ANO2: variants seen among roughly 807,000 people sequenced by gnomAD.
ANO2 encodes the protein anoctamin-2.
A neutral mutation model predicts 124.2 loss-of-function variants in ANO2; 101 were observed. The observed-to-expected ratio is 0.81, with a 90% CI of 0.69 to 0.96. ANO2 has a LOEUF of 0.96. Ranked by LOEUF, ANO2 falls within the 40% of genes least tolerant of loss-of-function variation. The pLI, the probability that ANO2 is intolerant of heterozygous loss-of-function variation, is 0.00. For synonymous variants in ANO2, 486 were observed against 482.5 expected, an observed-to-expected ratio of 1.01 and a Z score of -0.09; for missense variants, 1,293 against 1,274.5, an observed-to-expected ratio of 1.01 and a Z score of -0.22.
chr12:5,889,376 C>T (rs1480081403), intron 3 of ANO2, among the ~76,000 whole-genome samples: 2 of 152,268 alleles, frequency 1.3e-5, no homozygotes, highest in African/African-American at 4.8e-5. Flanking sequence ...CAAGGACTGC[C>T]AGCACGCTGT....
At chr12:5,927,865 T>C (rs1942157120) in intron 1 of ANO2, among the ~76,000 whole-genome samples, 1 of 152,166 alleles carries the variant, frequency 6.6e-6, no homozygotes, top group Non-Finnish European at 1.5e-5. Context: ...GGCAGGAACC[T>C]TCAAGGTCAC....
intron 10 of ANO2, among the ~76,000 whole-genome samples, chr12:5,765,036 C>T (rs1431812962): frequency 2.0e-5 from 3 of 152,152 alleles, no homozygotes; most frequent in Non-Finnish European, 4.4e-5. Flanking sequence ...CATAAAAATG[C>T]TATCAGCCAG....
intron 10 of ANO2, among the ~76,000 whole-genome samples, chr12:5,767,709 G>C (rs915047267): frequency 6.6e-6 from 1 of 152,238 alleles, no homozygotes; most frequent in Non-Finnish European, 1.5e-5. Context: ...TTCAAGACTC[G>C]AGCTACTTGT....
chr12:5,851,010 T>TC (rs1302259703), intron 4 of ANO2, among the ~76,000 whole-genome samples: 5 of 150,690 alleles, frequency 3.3e-5, no homozygotes, highest in African/African-American at 7.4e-5. Context: ...TGGGATGACG[T>TC]CCCCAAACCA....
intron 1 of ANO2, among the ~76,000 whole-genome samples, chr12:5,930,871 T>G (rs911809663): frequency 6.6e-6 from 1 of 152,098 alleles, no homozygotes; most frequent in African/African-American, 2.4e-5. Flanking sequence ...CACACACACA[T>G]AAAATCCATT....
chr12:5,890,402 T>A (rs1345663424), intron 3 of ANO2, among the ~76,000 whole-genome samples: 1 of 152,230 alleles, frequency 6.6e-6, no homozygotes, highest in Non-Finnish European at 1.5e-5. Flanking sequence ...CATGTCAGAA[T>A]ATGTCAAGAG....
intron 16 of ANO2, among the ~76,000 whole-genome samples, chr12:5,632,565 T>A (rs960376579): frequency 6.6e-6 from 1 of 152,066 alleles, no homozygotes; most frequent in Admixed American, 6.6e-5. Flanking sequence ...CAGCCCAGGG[T>A]AGCCGCTTTG....
intron 4 of ANO2, 47 bp from the exon 5 acceptor site, chr12:5,832,650 A>G: frequency 1.3e-6 from 2 of 1,560,238 alleles, no homozygotes; most frequent in Non-Finnish European, 1.7e-6. Context: ...CACTTCCAGC[A>G]GAGAGGAATG....
intron 14 of ANO2, among the ~76,000 whole-genome samples, chr12:5,668,880 T>C (rs1947860680): frequency 6.6e-6 from 1 of 152,154 alleles, no homozygotes; most frequent in Admixed American, 6.5e-5. Context: ...ATTTCTGAGT[T>C]CTCTATCCTG....
rs568784954 is a variant in ANO2 at position 5,889,834 on chromosome 12, G to A, written c.534+31206C>T. 2.0e-5 allele frequency among the ~76,000 whole-genome samples: 3 copies of A among 152,336 alleles called. 1 individual carries two copies. In the South Asian group the frequency reaches 6.2e-4, roughly 32 times the overall value. On this transcript the variant is annotated intron_variant, in intron 3 of 24. Coordinates refer to ENST00000682330, the MANE Select transcript of ANO2 (RefSeq NM_001364791.2). ...TACTGATCATAGAGCTTCGCTCAAT[G>A]AAGCACCCCGTCCAAGACCCTTTAC...
At chr12:5,850,331 G>A (rs1361504942) in intron 4 of ANO2, among the ~76,000 whole-genome samples, 8 of 150,072 alleles carry the variant, frequency 5.3e-5, no homozygotes, top group African/African-American at 1.7e-4. Context: ...CAAGAGAATT[G>A]CTTCAGCCCA....
At chr12:5,722,724 G>A (rs1004683164) in intron 14 of ANO2, among the ~76,000 whole-genome samples, 4 of 151,784 alleles carry the variant, frequency 2.6e-5, no homozygotes, top group Non-Finnish European at 5.9e-5. Flanking sequence ...ACTTTCGTAT[G>A]TGTGTGTGTG....
intron 14 of ANO2, among the ~76,000 whole-genome samples, chr12:5,727,974 T>C (rs1223896017): frequency 2.0e-5 from 3 of 152,016 alleles, no homozygotes; most frequent in African/African-American, 7.2e-5. Flanking sequence ...GCCCAGCTAA[T>C]TTTTTGTATT....
At chr12:5,816,138 TTCTC>T (rs1224823657) in intron 7 of ANO2, among the ~76,000 whole-genome samples, 1 of 144,776 alleles carries the variant, frequency 6.9e-6, no homozygotes, top group Non-Finnish European at 1.5e-5. Flanking sequence ...TGTTCTCCCT[TTCTC>T]TCTCTCTCTT....
At chr12:5,901,164 G>T (rs932413330) in intron 3 of ANO2, among the ~76,000 whole-genome samples, 1 of 152,218 alleles carries the variant, frequency 6.6e-6, no homozygotes, top group Non-Finnish European at 1.5e-5. Context: ...ACAATGAGCA[G>T]ATTCAACCTG....
intron 7 of ANO2, among the ~76,000 whole-genome samples, chr12:5,823,785 G>T (rs1417127320): frequency 1.3e-5 from 2 of 152,226 alleles, no homozygotes; most frequent in Non-Finnish European, 2.9e-5. Flanking sequence ...CCTAGCAGAG[G>T]TTCTCCATGA....
chr12:5,930,807 C>T (rs1394909729), intron 1 of ANO2, among the ~76,000 whole-genome samples: 7 of 152,180 alleles, frequency 4.6e-5, no homozygotes, highest in African/African-American at 1.2e-4. Context: ...GCACTTCCCT[C>T]AGTCTCTATA....
Position 5,854,284 on chromosome 12 carries a change from C to T in ANO2, c.535-143G>A. 1.5e-5 allele frequency: 10 copies of T among 657,324 alleles called. No individual in the cohort carries two copies. In the South Asian group the frequency reaches 1.8e-4, roughly 12 times the overall value. The allele number at this position is 657,324 out of a possible 1,614,324, so 40.7% of individuals were successfully genotyped here. A position where few individuals can be genotyped will look rare whatever the true frequency, so the allele number is the denominator to read the frequency against. On this transcript the variant is annotated intron_variant, in intron 3 of 24. Transcript: ENST00000682330. Reference sequence around the variant, plus strand: ...CGTTCTCTTTAAAATTCACCAGGGACCAGTCCCTTCCCACCTGTACCCAGT... The same window carrying T: ...CGTTCTCTTTAAAATTCACCAGGGATCAGTCCCTTCCCACCTGTACCCAGT...
At chr12:5,804,737 C>A (rs936531030) in intron 9 of ANO2, among the ~76,000 whole-genome samples, 2 of 152,168 alleles carry the variant, frequency 1.3e-5, no homozygotes. Context: ...TTTATATCTA[C>A]AACATATATA....
Sources: allele counts gnomAD v4.1 joint callset (sites outside exome capture counted in the v4.1 genomes callset), GRCh38; gene constraint gnomAD v4.1.1; transcripts MANE v1.5; gene names NCBI Gene and HGNC (gene_info 2026-07-23, HGNC 2026-07-21).